The following RGL1 variants were observed in gnomAD, a reference collection of about 807,000 sequenced individuals.
RGL1 encodes ral guanine nucleotide dissociation stimulator like 1.
A neutral mutation model predicts 95.2 loss-of-function variants in RGL1; 24 were observed. The ratio of observed to expected loss-of-function variants is 0.25; its 90% CI spans 0.18 to 0.35. The LOEUF (loss-of-function observed/expected upper bound fraction) is 0.35. Ranked by LOEUF, RGL1 falls within the 10% of genes least tolerant of loss-of-function variation. The probability of loss-of-function intolerance (pLI) is 1.00; values close to 1 mark genes in which losing one functional copy is unlikely to be tolerated. For synonymous variants in RGL1, 329 were observed against 344.9 expected (o/e 0.95, Z 0.51); for missense variants, 715 against 936.3 (o/e 0.76, Z 3.08).
intron 1 of RGL1, among the ~76,000 whole-genome samples, chr1:183,735,911 A>G (rs1656909008): frequency 6.6e-6 from 1 of 152,200 alleles, no homozygotes. Context: ...CTCCACAATT[A>G]GGAGGCTGTA....
chr1:183,874,132 G>T (rs937504537), intron 4 of RGL1, among the ~76,000 whole-genome samples: 3 of 152,148 alleles, frequency 2.0e-5, no homozygotes, highest in Non-Finnish European at 4.4e-5. Context: ...AATGGTCCCT[G>T]TGTTAAGTAC....
chr1:183,671,621 T>G (rs534596939), intron 1 of RGL1, among the ~76,000 whole-genome samples: 1 of 152,132 alleles, frequency 6.6e-6, no homozygotes, highest in Non-Finnish European at 1.5e-5. Context: ...TTTGGATAGC[T>G]AATGCCCCAT....
chr1:183,900,315 T>A, intron 11 of RGL1, 79 bp downstream of exon 11: 1 of 1,170,504 alleles, frequency 8.5e-7, no homozygotes, highest in Non-Finnish European at 1.3e-6. Context: ...CTTCTCTTAG[T>A]ATCTTTTGAA....
At chr1:183,673,460 C>A (rs1652609890) in intron 1 of RGL1, among the ~76,000 whole-genome samples, 1 of 152,182 alleles carries the variant, frequency 6.6e-6, no homozygotes, top group African/African-American at 2.4e-5. Flanking sequence ...TGTTCTACTT[C>A]ATCAGGTTGA....
chr1:183,806,906 A>G (rs1661384250), intron 2 of RGL1, among the ~76,000 whole-genome samples: 1 of 152,126 alleles, frequency 6.6e-6, no homozygotes, highest in African/African-American at 2.4e-5. Context: ...TCTAGGAGGT[A>G]CCCAGATTGC....
At chr1:183,672,036 G>A (rs563182827) in intron 1 of RGL1, among the ~76,000 whole-genome samples, 2 of 151,382 alleles carry the variant, frequency 1.3e-5, no homozygotes, top group East Asian at 3.9e-4. Context: ...AGGTTCAAGC[G>A]ATTCTCCTAC....
At chr1:183,900,748 C>T (rs530756913) in intron 11 of RGL1, among the ~76,000 whole-genome samples, 11 of 151,992 alleles carry the variant, frequency 7.2e-5, no homozygotes, top group South Asian at 4.2e-4. Context: ...ACAGGTGATC[C>T]GCCCACCTTG....
In RGL1 at chr1:183,847,704, A is replaced by G. The variant is rs1455913279; in HGVS notation, c.277A>G (p.Ile93Val). The G allele has an allele frequency of 6.2e-7, 1 of 1,614,148 alleles. No individual in the cohort carries two copies. The highest frequency in any genetic ancestry group is 8.5e-7 in the Non-Finnish European group (1 of 1,179,972). Residue 93 changes from isoleucine to valine, a missense_variant, in exon 3 of 18, where the codon ATC becomes GTC. By Grantham distance (29) the Ile-to-Val change is conservative. This residue lies in a region of RGL1 where 381 missense variants were observed against 484.8 expected (regional missense o/e 0.79). Transcript: ENST00000360851. ...TAFGDNDFTY[I>V]SIFLSTYRGF... is the part of the protein sequence containing the mutation. ...TTTTGGGGACAATGACTTTACCTAT[A>G]TCAGCATCTTTCTTTCAACGTACAG...
chr1:183,905,667 G>A (rs981391167), intron 13 of RGL1, among the ~76,000 whole-genome samples: 1 of 152,132 alleles, frequency 6.6e-6, no homozygotes, highest in African/African-American at 2.4e-5. Flanking sequence ...ATAGTGGGAT[G>A]GGCATAGAAA....
intron 2 of RGL1, among the ~76,000 whole-genome samples, chr1:183,817,224 A>G (rs1453826856): frequency 6.6e-6 from 1 of 152,196 alleles, no homozygotes; most frequent in Non-Finnish European, 1.5e-5. Flanking sequence ...CAGCTGACCA[A>G]CACTGACCCT....
At chr1:183,872,280 A>G (rs997754561) in intron 4 of RGL1, among the ~76,000 whole-genome samples, 1 of 152,234 alleles carries the variant, frequency 6.6e-6, no homozygotes, top group Admixed American at 6.5e-5. Flanking sequence ...ACGAATCTTC[A>G]TTCTCTGAAT....
At chr1:183,636,414 A>G in exon 1 of RGL1, 1 of 379,038 alleles carries the variant, frequency 2.6e-6, no homozygotes, top group Non-Finnish European at 4.7e-6. Context: ...GCCAGCGGGA[A>G]GTCCCCAAGG....
At chr1:183,785,031 T>G (rs1660086278) in intron 2 of RGL1, among the ~76,000 whole-genome samples, 1 of 152,200 alleles carries the variant, frequency 6.6e-6, no homozygotes, top group African/African-American at 2.4e-5. Context: ...AAGTTAAAAT[T>G]TATAAGCGGC....
intron 1 of RGL1, among the ~76,000 whole-genome samples, chr1:183,736,052 C>T (rs182704668): frequency 6.6e-6 from 1 of 152,282 alleles, no homozygotes. Flanking sequence ...CTTTAAAAAG[C>T]CTCAGCACAC....
intron 2 of RGL1, among the ~76,000 whole-genome samples, chr1:183,825,905 G>A (rs1662813060): frequency 6.6e-6 from 1 of 152,148 alleles, no homozygotes; most frequent in Non-Finnish European, 1.5e-5. Flanking sequence ...GCCCACACCT[G>A]TAATCCTAGC....
intron 1 of RGL1, among the ~76,000 whole-genome samples, chr1:183,671,721 G>A (rs980293169): frequency 7.2e-5 from 11 of 152,130 alleles, no homozygotes; most frequent in African/African-American, 2.7e-4. Context: ...CTTCCAAATG[G>A]AGCTAAACTC....
chr1:183,883,854 G>A lies in RGL1; in HGVS notation c.679G>A (p.Glu227Lys), dbSNP rs141748156. 104 of 1,614,006 alleles carry A rather than the reference G, an allele frequency of 6.4e-5. No homozygotes were observed. Among genetic ancestry groups the A allele is most frequent in the Non-Finnish European group, 7.9e-5 (93 of 1,179,944 alleles). ...EEELEGGESA[E>K]FTCFSEDLVA... is the part of the protein sequence containing the mutation. ...GGAACTGGAGGGTGGAGAGTCAGCA[G>A]AATTCACGTGCTTCTCAGAAGATCT... The change falls in exon 6 of 18, where the codon GAA becomes AAA. Residue 227 changes from glutamate to lysine, a missense_variant. Glu to Lys is a moderately conservative substitution (Grantham distance 56). Coordinates refer to ENST00000360851, the MANE Select transcript of RGL1 (RefSeq NM_001297671.3).
chr1:183,751,958 T>C (rs1033072633), intron 2 of RGL1, among the ~76,000 whole-genome samples: 1 of 152,194 alleles, frequency 6.6e-6, no homozygotes, highest in Non-Finnish European at 1.5e-5. Flanking sequence ...TCTGCATTGG[T>C]CTTGTTGGGA....
chr1:183,676,747 C>A (rs1652852506), intron 1 of RGL1, among the ~76,000 whole-genome samples: 1 of 143,270 alleles, frequency 7.0e-6, no homozygotes, highest in Non-Finnish European at 1.6e-5. Flanking sequence ...CCAGGGGCCT[C>A]TGGCTTTGGA....
Sources: allele counts gnomAD v4.1 joint callset (sites outside exome capture counted in the v4.1 genomes callset), GRCh38; gene constraint gnomAD v4.1.1; regional missense constraint gnomAD v4.1.1; transcripts MANE v1.5; gene names NCBI Gene and HGNC (gene_info 2026-07-23, HGNC 2026-07-21).